EEF1A1: variants seen among roughly 807,000 people sequenced by gnomAD.
EEF1A1 encodes elongation factor 1-alpha 1.
Under a neutral mutation model 38.5 loss-of-function variants are expected in EEF1A1, and 1 was observed. That is an observed-to-expected ratio of 0.03 (90% CI 0.01 to 0.12). The LOEUF (loss-of-function observed/expected upper bound fraction) is 0.12. EEF1A1 is among the 10% of genes least tolerant of loss of function. The probability of loss-of-function intolerance (pLI) is 1.00; values close to 1 mark genes in which losing one functional copy is unlikely to be tolerated. For missense variants in EEF1A1, 184 were observed against 588.3 expected (o/e 0.31, Z 7.11); for synonymous variants, 229 against 203.7 (o/e 1.12, Z -1.06).
At chr6:73,518,907 A>G (rs767727880) in intron 4 of EEF1A1, 25 bp downstream of exon 4, 1 of 1,611,160 alleles carries the variant, frequency 6.2e-7, no homozygotes, top group Admixed American at 1.7e-5. Context: ...AGAGCTTTTT[A>G]ACAATGGTCT....
chr6:73,517,698 T>C lies in EEF1A1; in HGVS notation c.*112A>G. On this transcript the variant is annotated 3_prime_UTR_variant, in exon 8 of 8. Transcript: ENST00000309268. ...CTGAAGGTTTTACGATGCATTGTTATCATTAACCAGTCTTTTACTACTAAA... is the reference window on the plus strand; with the variant it reads ...CTGAAGGTTTTACGATGCATTGTTACCATTAACCAGTCTTTTACTACTAAA... 1 of 584,562 alleles carries C rather than the reference T, an allele frequency of 1.7e-6. No individual in the cohort carries two copies. Among genetic ancestry groups the C allele is most frequent in the South Asian group, 2.6e-5 (1 of 38,104 alleles). The allele number at this position is 584,562 out of a possible 1,614,324, so 36.2% of individuals were successfully genotyped here.
rs916108465 is a variant in EEF1A1 at position 73,516,912 on chromosome 6, G to A, written c.*898C>T. The A allele has an allele frequency of 2.0e-5, 3 of 152,176 alleles. No homozygotes were observed. Among genetic ancestry groups the A allele is most frequent in the African/African-American group, 4.8e-5 (2 of 41,442 alleles). 9.4% of individuals were successfully genotyped at this position (152,176 alleles called of 1,614,324 possible). A position where few individuals can be genotyped will look rare whatever the true frequency, so the allele number is the denominator to read the frequency against. ...AGCATAAAAGGTATTAGACTCTGCAGGAGAAAAGCAATGTAGATTAGTCTA... is the reference window on the plus strand; with the variant it reads ...AGCATAAAAGGTATTAGACTCTGCAAGAGAAAAGCAATGTAGATTAGTCTA... On this transcript the variant is annotated 3_prime_UTR_variant, in exon 8 of 8. Transcript: ENST00000309268.
intron 2 of EEF1A1, 37 bp downstream of exon 2, chr6:73,519,845 AT>A: frequency 1.2e-6 from 2 of 1,610,786 alleles, no homozygotes; most frequent in Non-Finnish European, 8.5e-7. Context: ...GGTAAAACTC[AT>A]TTTAGTTGAT....
Position 73,519,867 on chromosome 6 carries a change from C to A in EEF1A1, c.144+16G>T. ...CTCATTTTAGTTGATCTTTCCCTTT[C>A]TGGTATTAAACATACCTCAGCAGCC... On this transcript the variant is annotated intron_variant, in intron 2 of 7. Coordinates refer to ENST00000309268, the MANE Select transcript of EEF1A1 (RefSeq NM_001402.6). The A allele has an allele frequency of 6.2e-7, 1 of 1,611,966 alleles. No homozygotes were observed. Among genetic ancestry groups the A allele is most frequent in the Non-Finnish European group, 8.5e-7 (1 of 1,179,584 alleles).
At chr6:73,519,740 C>G in intron 2 of EEF1A1, 143 bp downstream of exon 2, 1 of 1,348,752 alleles carries the variant, frequency 7.4e-7, no homozygotes, top group South Asian at 1.4e-5. Context: ...CAGAAGTCAC[C>G]AAAAGCAAAA....
At chr6:73,519,263 C>T (rs1347158672) in intron 3 of EEF1A1, 35 bp from the exon 4 acceptor site, 10 of 1,606,122 alleles carry the variant, frequency 6.2e-6, no homozygotes, top group East Asian at 2.2e-5. Context: ...CCTGTCAACT[C>T]TCCAAATGAC....
At chr6:73,519,799 T>G (rs1765607207) in intron 2 of EEF1A1, 84 bp downstream of exon 2, 25 of 1,569,994 alleles carry the variant, frequency 1.6e-5, no homozygotes, top group Non-Finnish European at 2.2e-5. Context: ...TCTAAACCAC[T>G]CACTAGTTCT....
At position 73,520,068 on chromosome 6, in the gene EEF1A1, G is replaced by T; in HGVS notation, c.-30-12C>A. ...AGTTTTCACGACACCTGAAATGGAA[G>T]AAAAAAACTTTGAACCACTGTCTGA... On this transcript the variant is annotated splice_polypyrimidine_tract_variant and intron_variant, in intron 1 of 7. Transcript: ENST00000309268. 2 of 1,573,058 alleles carry T rather than the reference G, an allele frequency of 1.3e-6. No individual in the cohort carries two copies. The highest frequency in any genetic ancestry group is 1.7e-6 in the Non-Finnish European group (2 of 1,171,498).
At position 73,518,895 on chromosome 6, in the gene EEF1A1, C is replaced by T. The variant is rs569803110; in HGVS notation, c.621+37G>A. 5.1e-5 allele frequency: 82 copies of T among 1,610,996 alleles called. 2 individuals are homozygous for T. The South Asian group carries it at 8.9e-4, about 17-fold the overall frequency. ...TTGTGTAAGCATGAAATCGCCATTC[C>T]CAGAGCTTTTTAACAATGGTCTTGA... On this transcript the variant is annotated intron_variant, in intron 4 of 7. Coordinates refer to ENST00000309268, the MANE Select transcript of EEF1A1 (RefSeq NM_001402.6).
chr6:73,517,470 G>T lies in EEF1A1; in HGVS notation c.*340C>A. The T allele has an allele frequency of 4.3e-6, 1 of 230,302 alleles. No individual in the cohort carries two copies. Among genetic ancestry groups the T allele is most frequent in the South Asian group, 1.1e-4 (1 of 9,018 alleles). 14.3% of individuals were successfully genotyped at this position (230,302 alleles called of 1,614,324 possible). ...CAGATTCGTAAAACCAGAATTAGAT[G>T]TCTTTCACCTAAATGTCTCGGTGTT... On this transcript the variant is annotated 3_prime_UTR_variant, in exon 8 of 8. Coordinates refer to ENST00000309268, the MANE Select transcript of EEF1A1 (RefSeq NM_001402.6).
Position 73,517,187 on chromosome 6 carries a change from A to T in EEF1A1, c.*623T>A, listed in dbSNP as rs566409747. On this transcript the variant is annotated 3_prime_UTR_variant, in exon 8 of 8. Transcript: ENST00000309268. ...CAACATGCACATCCCAGTAATTTGG[A>T]AACATTTTGTTTCCAAAGATTCACT... 1 of 152,390 alleles carries T rather than the reference A, an allele frequency of 6.6e-6. No individual in the cohort carries two copies. The highest frequency in any genetic ancestry group is 2.1e-4 in the South Asian group (1 of 4,828). The allele number at this position is 152,390 out of a possible 1,614,324, so 9.4% of individuals were successfully genotyped here.
intron 4 of EEF1A1, 30 bp from the exon 5 acceptor site, chr6:73,518,878 G>A (rs201900429): frequency 6.2e-7 from 1 of 1,611,492 alleles, no homozygotes. Context: ...ATTTGTGTAA[G>A]CATGAAATCG....
At chr6:73,518,301 GTCTC>G in intron 6 of EEF1A1, 37 bp from the exon 7 acceptor site, 1 of 1,610,998 alleles carries the variant, frequency 6.2e-7, no homozygotes, top group African/African-American at 1.3e-5. Context: ...CAAATCCAAA[GTCTC>G]AAATGACTTT....
At chr6:73,520,125 A>G (rs568898136) in intron 1 of EEF1A1, 69 bp from the exon 2 acceptor site, 3 of 1,441,518 alleles carry the variant, frequency 2.1e-6, no homozygotes, top group East Asian at 2.3e-5. Flanking sequence ...CCAAACTCAA[A>G]AAGGGCAAAT....
At chr6:73,519,804 A>G in intron 2 of EEF1A1, 79 bp downstream of exon 2, 1 of 1,580,990 alleles carries the variant, frequency 6.3e-7, no homozygotes, top group East Asian at 2.2e-5. Context: ...ACCACTCACT[A>G]GTTCTGGGGA....
In EEF1A1 at chr6:73,520,068, G is replaced by A. The variant is rs1561963592; in HGVS notation, c.-30-12C>T. On this transcript the variant is annotated splice_polypyrimidine_tract_variant and intron_variant, in intron 1 of 7. Coordinates refer to ENST00000309268, the MANE Select transcript of EEF1A1 (RefSeq NM_001402.6). ...AGTTTTCACGACACCTGAAATGGAA[G>A]AAAAAAACTTTGAACCACTGTCTGA... 8 of 1,573,026 alleles carry A rather than the reference G, an allele frequency of 5.1e-6. No homozygotes were observed. Among genetic ancestry groups the A allele is most frequent in the South Asian group, 4.6e-5 (4 of 86,996 alleles).
chr6:73,520,940 C>A (rs957265659), intron 1 of EEF1A1, 60 bp downstream of exon 1: 1 of 152,748 alleles, frequency 6.5e-6, no homozygotes, highest in South Asian at 2.1e-4. Context: ...TAATTCAAGG[C>A]ACGCAAGGGC....
At position 73,516,268 on chromosome 6, in the gene EEF1A1, T is replaced by TA. The variant is rs1765511233; in HGVS notation, c.*1541dup. The TA allele has an allele frequency of 1.3e-5, 2 of 152,242 alleles. No individual in the cohort carries two copies. The highest frequency in any genetic ancestry group is 2.9e-5 in the Non-Finnish European group (2 of 68,046). 9.4% of individuals were successfully genotyped at this position (152,242 alleles called of 1,614,324 possible). On this transcript the variant is annotated 3_prime_UTR_variant, in exon 8 of 8. Coordinates refer to ENST00000309268, the MANE Select transcript of EEF1A1 (RefSeq NM_001402.6). ...GAGCAATACACATTGCCAGTCACTT[T>TA]AAGAGGCCTTATCTCTTGGGCTGCT...
rs763706579 is a variant in EEF1A1 at position 73,516,111 on chromosome 6, T to C, written c.*1699A>G. The C allele has an allele frequency of 6.6e-6, 1 of 152,228 alleles. No homozygotes were observed. The highest frequency in any genetic ancestry group is 2.4e-5 in the African/African-American group (1 of 41,468). The allele number at this position is 152,228 out of a possible 1,614,324, so 9.4% of individuals were successfully genotyped here. Reference sequence around the variant, plus strand: ...GAAACTAAGGACAAAAATCTCTAGTTCAATTTAGACTTGATACCTCAGAGC... The same window carrying C: ...GAAACTAAGGACAAAAATCTCTAGTCCAATTTAGACTTGATACCTCAGAGC... On this transcript the variant is annotated 3_prime_UTR_variant, in exon 8 of 8. Transcript: ENST00000309268.
Sources: gnomAD v4.1 joint callset for allele counts on GRCh38, gnomAD v4.1.1 for gene constraint, MANE v1.5 for transcripts, NCBI Gene and HGNC (gene_info 2026-07-23, HGNC 2026-07-21) for gene names.